Variants in PRDM5 observed in about 807,000 individuals in gnomAD.
PRDM5 encodes PR domain zinc finger protein 5.
In PRDM5, 56 loss-of-function variants were observed where a neutral mutation model predicts 81.2. That is an observed-to-expected ratio of 0.69 (90% CI 0.56 to 0.86). PRDM5 has a LOEUF of 0.86. Among genes scored for constraint, PRDM5 ranks in the 40% least tolerant of loss-of-function variants. The pLI, the probability that PRDM5 is intolerant of heterozygous loss-of-function variation, is 0.00. For missense variants in PRDM5, 697 were observed against 770.1 expected, an observed-to-expected ratio of 0.91 and a Z score of 1.12; for synonymous variants, 267 against 256.4, an observed-to-expected ratio of 1.04 and a Z score of -0.39.
At chr4:120,818,283 T>C in intron 5 of PRDM5, 70 bp downstream of exon 5, 1 of 1,528,730 alleles carries the variant, frequency 6.5e-7, no homozygotes, top group Non-Finnish European at 9.0e-7. Context: ...GGTTAAAAAC[T>C]ATGAGTTAAG....
At position 120,701,874 on chromosome 4, in the gene PRDM5, A is replaced by G. The variant is rs565330767; in HGVS notation, c.1729-6599T>C. Among the ~76,000 whole-genome samples the G allele has an allele frequency of 6.6e-5, 10 of 152,320 alleles. No individual in the cohort carries two copies. In the East Asian group the frequency reaches 1.9e-3, roughly 29 times the overall value. On this transcript the variant is annotated intron_variant, in intron 15 of 15. Transcript: ENST00000264808. ...AGGTAATTTTTTCTTCCCATATTCC[A>G]ATGGATGTCATGTATGCCTGCTGCA...
At chr4:120,866,418 AAC>A (rs1761205383) in intron 2 of PRDM5, among the ~76,000 whole-genome samples, 1 of 152,258 alleles carries the variant, frequency 6.6e-6, no homozygotes, top group African/African-American at 2.4e-5. Flanking sequence ...TGAAAAGTGA[AAC>A]ATGAAAGAAA....
At chr4:120,905,514 G>A (rs1031439978) in intron 2 of PRDM5, among the ~76,000 whole-genome samples, 15 of 152,098 alleles carry the variant, frequency 9.9e-5, no homozygotes, top group Admixed American at 9.8e-4. Context: ...TCCATAACAT[G>A]TGTGGCCCTC....
At chr4:120,689,346 T>C (rs775841079), downstream of PRDM5, among the ~76,000 whole-genome samples, 1 of 152,068 alleles carries the variant, frequency 6.6e-6, no homozygotes, top group African/African-American at 2.4e-5. Flanking sequence ...AAGAGATGGA[T>C]TTTATGCGAG....
chr4:120,802,106 T>G (rs2149294128), intron 8 of PRDM5, among the ~76,000 whole-genome samples: 1 of 152,320 alleles, frequency 6.6e-6, no homozygotes, highest in African/African-American at 2.4e-5. Context: ...TTCTCATGGC[T>G]TCAACATGAA....
At chr4:120,750,480 G>A (rs963984965) in intron 14 of PRDM5, among the ~76,000 whole-genome samples, 14 of 152,124 alleles carry the variant, frequency 9.2e-5, no homozygotes, top group African/African-American at 2.9e-4. Context: ...CCTGCTGAGC[G>A]TCCAGGCCTC....
intron 1 of PRDM5, among the ~76,000 whole-genome samples, chr4:120,686,339 C>A (rs1733831780): frequency 1.3e-5 from 2 of 152,024 alleles, no homozygotes; most frequent in African/African-American, 4.8e-5. Flanking sequence ...ACTTATATAG[C>A]TTTGAGTATC....
rs1044305937 is a variant in PRDM5 at position 120,752,592 on chromosome 4, T to C, written c.1623+1961A>G. Among the ~76,000 whole-genome samples the C allele has an allele frequency of 7.7e-4, 117 of 152,296 alleles. 2 individuals carry two copies. The highest frequency in any genetic ancestry group is 2.7e-3 in the African/African-American group (114 of 41,574). ...CGAGGTTCAGAAATTCAAAAGAATA[T>C]GGGACTTTTAAATTTGGGGTCATTA... On this transcript the variant is annotated intron_variant, in intron 14 of 15. Transcript: ENST00000264808.
At chr4:120,698,617 T>C (rs1047009093) in intron 15 of PRDM5, among the ~76,000 whole-genome samples, 1 of 152,196 alleles carries the variant, frequency 6.6e-6, no homozygotes, top group African/African-American at 2.4e-5. Context: ...AACTGACCAC[T>C]TGGATAGTTC....
chr4:120,732,184 C>T (rs1435274935), intron 14 of PRDM5, among the ~76,000 whole-genome samples: 4 of 151,970 alleles, frequency 2.6e-5, no homozygotes, highest in African/African-American at 9.7e-5. Flanking sequence ...TTTGCAGGGT[C>T]TATTATCTAT....
At chr4:120,826,607 T>A (rs1004238530) in intron 3 of PRDM5, among the ~76,000 whole-genome samples, 6 of 151,946 alleles carry the variant, frequency 3.9e-5, no homozygotes, top group Non-Finnish European at 2.9e-5. Context: ...GGTAGTAAAA[T>A]ACTTGTGCCA....
chr4:120,704,278 T>C (rs1352408946), intron 15 of PRDM5, among the ~76,000 whole-genome samples: 1 of 152,188 alleles, frequency 6.6e-6, no homozygotes, highest in Non-Finnish European at 1.5e-5. Context: ...TGAACCTGAA[T>C]GCAGTCAGTA....
intron 14 of PRDM5, among the ~76,000 whole-genome samples, chr4:120,753,948 T>C (rs986574826): frequency 3.3e-5 from 5 of 152,152 alleles, no homozygotes; most frequent in Non-Finnish European, 5.9e-5. Context: ...TTTAAAAGCA[T>C]GTGAAACAGA....
At chr4:120,742,130 C>G (rs191167718) in intron 14 of PRDM5, among the ~76,000 whole-genome samples, 2 of 152,286 alleles carry the variant, frequency 1.3e-5, no homozygotes, top group South Asian at 4.1e-4. Flanking sequence ...CCTGACCCCC[C>G]GAGCAGCCTA....
rs148153115 is a variant in PRDM5, at chr4:120,739,685, C to T, written c.1623+14868G>A. ...AAATCAAGCTTACTTTAAAATTTCA[C>T]CTTTTACTCTCAAAGCCTATCAAAA... On this transcript the variant is annotated intron_variant, in intron 14 of 15. Transcript: ENST00000264808. Among the ~76,000 whole-genome samples the T allele has an allele frequency of 1.8e-3, 269 of 151,722 alleles. 1 individual carries two copies. Among genetic ancestry groups the T allele is most frequent in the African/African-American group, 5.6e-3 (232 of 41,324 alleles).
chr4:120,898,413 A>G (rs1353982481), intron 2 of PRDM5, among the ~76,000 whole-genome samples: 3 of 152,204 alleles, frequency 2.0e-5, no homozygotes, highest in South Asian at 2.1e-4. Flanking sequence ...GCTTCACACG[A>G]CAAGATTTCC....
chr4:120,760,924 C>T (rs1027319755), intron 13 of PRDM5, among the ~76,000 whole-genome samples: 2 of 151,918 alleles, frequency 1.3e-5, no homozygotes, highest in Non-Finnish European at 2.9e-5. Flanking sequence ...TTATACAAAA[C>T]AAGGATATAG....
chr4:120,810,300 C>G (rs1753647795), intron 8 of PRDM5, among the ~76,000 whole-genome samples: 1 of 152,038 alleles, frequency 6.6e-6, no homozygotes, highest in Non-Finnish European at 1.5e-5. Flanking sequence ...TAGAAGAGAT[C>G]TATTCCAGTA....
chr4:120,922,237 G>C (rs1410989999), intron 1 of PRDM5, among the ~76,000 whole-genome samples: 1 of 152,166 alleles, frequency 6.6e-6, no homozygotes, highest in Non-Finnish European at 1.5e-5. Context: ...GACATCTTGC[G>C]GCAGGGAGGC....
Sources: allele counts gnomAD v4.1 joint callset (sites outside exome capture counted in the v4.1 genomes callset), GRCh38; gene constraint gnomAD v4.1.1; transcripts MANE v1.5; gene names NCBI Gene and HGNC (gene_info 2026-07-23, HGNC 2026-07-21).